Variants in NPTN observed in about 807,000 individuals in gnomAD.
The protein encoded by NPTN is SDR-1.
NPTN carries 5 observed loss-of-function variants against 42.7 expected under a neutral mutation model. The ratio of observed to expected loss-of-function variants is 0.12; its 90% CI spans 0.06 to 0.25. The LOEUF (loss-of-function observed/expected upper bound fraction) is 0.25. Ranked by LOEUF, NPTN falls within the 10% of genes least tolerant of loss-of-function variation. NPTN has a pLI of 1.00. For missense variants in NPTN, 307 were observed against 525.4 expected, an observed-to-expected ratio of 0.58 and a Z score of 4.06; for synonymous variants, 180 against 201.9, an observed-to-expected ratio of 0.89 and a Z score of 0.92.
rs1281376173 is a variant in NPTN at position 73,560,382 on chromosome 15, A to T, written c.*681T>A. The stretch of plus-strand genomic sequence containing the variant: ...TTAACAGAAGAAAAGATAATCACTT[A>T]AAAAGCAATCATACGTATATACTGC... On this transcript the variant is annotated 3_prime_UTR_variant, in exon 9 of 9. Transcript: ENST00000345330. 1 of 155,808 alleles carries T rather than the reference A, an allele frequency of 6.4e-6. No homozygotes were observed. Among genetic ancestry groups the T allele is most frequent in the Non-Finnish European group, 1.4e-5 (1 of 70,510 alleles). The allele number at this position is 155,808 out of a possible 1,614,324, so 9.7% of individuals were successfully genotyped here.
intron 4 of NPTN, among the ~76,000 whole-genome samples, chr15:73,576,076 T>G (rs761869647): frequency 3.9e-5 from 6 of 152,108 alleles, no homozygotes; most frequent in African/African-American, 1.4e-4. Context: ...AGAGCTTACT[T>G]CAGTCCATAA....
intron 8 of NPTN, among the ~76,000 whole-genome samples, chr15:73,561,286 G>A (rs1894646932): frequency 6.6e-6 from 1 of 152,130 alleles, no homozygotes; most frequent in South Asian, 2.1e-4. Flanking sequence ...CACCTAAGAA[G>A]GTGACAATTT....
Position 73,597,320 on chromosome 15 carries a change from G to A in NPTN, c.141C>T (p.Ala47=). 6.2e-7 allele frequency: 1 copy of A among 1,613,862 alleles called. No individual in the cohort carries two copies. The highest frequency in any genetic ancestry group is 8.5e-7 in the Non-Finnish European group (1 of 1,179,976). Residue 47 remains alanine (A), a synonymous_variant, in exon 2 of 9, where the codon GCC becomes GCT. Coordinates refer to ENST00000345330, the MANE Select transcript of NPTN (RefSeq NM_012428.4). The surrounding 1 kb of genome is among the most constrained non-coding windows in gnomAD (Gnocchi z 6.3). ...CGACCACGTCACAGTACAGCTCAAA[G>A]GCGTCCCCCGTGAGCTTAGTTTCTG... ...PMSETKLTGD[A]FELYCDVVGS... is the part of the protein sequence containing the mutation.
intron 1 of NPTN, among the ~76,000 whole-genome samples, chr15:73,608,864 ATAACTG>A (rs1897416495): frequency 6.6e-6 from 1 of 152,262 alleles, no homozygotes; most frequent in African/African-American, 2.4e-5. Context: ...CAGTGATACT[ATAACTG>A]TAATAAGGGA....
intron 2 of NPTN, among the ~76,000 whole-genome samples, chr15:73,593,092 T>A (rs1225929227): frequency 1.3e-5 from 2 of 152,150 alleles, no homozygotes; most frequent in Non-Finnish European, 2.9e-5. Flanking sequence ...ACCTTCTGAT[T>A]CTATTCTGCG....
intron 6 of NPTN, chr15:73,567,188 C>T (rs1895075526): frequency 2.0e-6 from 2 of 984,412 alleles, no homozygotes; most frequent in Admixed American, 6.2e-5. Context: ...GATGAGTTAC[C>T]AAGAACTCAC....
chr15:73,603,711 A>G (rs564546587), intron 1 of NPTN, among the ~76,000 whole-genome samples: 2 of 152,008 alleles, frequency 1.3e-5, no homozygotes, highest in Non-Finnish European at 2.9e-5. Flanking sequence ...TATCAATTAT[A>G]AATCAGGCTG....
chr15:73,582,404 T>A (rs1369405748), intron 4 of NPTN, among the ~76,000 whole-genome samples: 1 of 152,060 alleles, frequency 6.6e-6, no homozygotes, highest in East Asian at 1.9e-4. Context: ...GAATATGAGA[T>A]CAGTCAAGAC....
chr15:73,570,525 T>C lies in NPTN; in HGVS notation c.841-102A>G, dbSNP rs2141359799. On this transcript the variant is annotated intron_variant, in intron 5 of 8. Transcript: ENST00000345330. This position sits in a 1 kb window ranked among gnomAD's most constrained non-coding sequence, Gnocchi z 4.0. Reference sequence around the variant, plus strand: ...CGTTCTTTTTAGGCACCAGCCAGAATGAGGAAGCAGTGTCTAGGAACATTT... The same window carrying C: ...CGTTCTTTTTAGGCACCAGCCAGAACGAGGAAGCAGTGTCTAGGAACATTT... 1 of 1,033,754 alleles carries C rather than the reference T, an allele frequency of 9.7e-7. No homozygotes were observed. Among genetic ancestry groups the C allele is most frequent in the Non-Finnish European group, 1.4e-6 (1 of 692,150 alleles). 64.0% of individuals were successfully genotyped at this position (1,033,754 alleles called of 1,614,324 possible). A position where few individuals can be genotyped will look rare whatever the true frequency, so the allele number is the denominator to read the frequency against.
At chr15:73,586,630 G>A (rs911444230) in intron 4 of NPTN, among the ~76,000 whole-genome samples, 8 of 151,966 alleles carry the variant, frequency 5.3e-5, no homozygotes, top group African/African-American at 1.5e-4. Context: ...CCTATTATAC[G>A]GGCCCTTCCT....
intron 1 of NPTN, among the ~76,000 whole-genome samples, chr15:73,622,196 T>C (rs1898167070): frequency 6.6e-6 from 1 of 152,020 alleles, no homozygotes; most frequent in Non-Finnish European, 1.5e-5. Flanking sequence ...AGTAATCACA[T>C]CCCTAGTCTG....
chr15:73,574,780 G>A (rs1895596329), intron 4 of NPTN, among the ~76,000 whole-genome samples: 1 of 152,148 alleles, frequency 6.6e-6, no homozygotes, highest in Admixed American at 6.5e-5. Context: ...TTCCTAGACT[G>A]AACCCAATAT....
Position 73,570,452 on chromosome 15 carries a change from G to T in NPTN, c.841-29C>A. ...CAAAAAAGTGAGAATACACAAAGGT[G>T]AGAGTGAGTAACTGAGCTAATGTTC... On this transcript the variant is annotated intron_variant, in intron 5 of 8. Transcript: ENST00000345330. The surrounding 1 kb of genome is among the most constrained non-coding windows in gnomAD (Gnocchi z 4.0). 1 of 1,596,884 alleles carries T rather than the reference G, an allele frequency of 6.3e-7. No individual in the cohort carries two copies. Among genetic ancestry groups the T allele is most frequent in the Non-Finnish European group, 8.6e-7 (1 of 1,169,436 alleles).
At chr15:73,582,012 T>C (rs1193805644) in intron 4 of NPTN, among the ~76,000 whole-genome samples, 2 of 152,158 alleles carry the variant, frequency 1.3e-5, no homozygotes, top group Non-Finnish European at 2.9e-5. Flanking sequence ...TTTTTGTATT[T>C]TTTAGTAGAG....
intron 4 of NPTN, among the ~76,000 whole-genome samples, chr15:73,580,133 G>C (rs1895911459): frequency 6.6e-6 from 1 of 151,830 alleles, no homozygotes; most frequent in South Asian, 2.1e-4. Flanking sequence ...TCCAAGTTCA[G>C]GGTTGTGTGA....
intron 1 of NPTN, among the ~76,000 whole-genome samples, chr15:73,614,711 T>C (rs1053511057): frequency 6.6e-6 from 1 of 152,194 alleles, no homozygotes; most frequent in African/African-American, 2.4e-5. Context: ...AAAAATCCTT[T>C]CATTAAATTG....
At chr15:73,581,183 G>C (rs1439708207) in intron 4 of NPTN, among the ~76,000 whole-genome samples, 3 of 152,138 alleles carry the variant, frequency 2.0e-5, no homozygotes, top group African/African-American at 7.2e-5. Flanking sequence ...GTTTAATCAT[G>C]TCAGATACTG....
At chr15:73,581,568 T>C (rs1896046590) in intron 4 of NPTN, among the ~76,000 whole-genome samples, 1 of 152,172 alleles carries the variant, frequency 6.6e-6, no homozygotes, top group African/African-American at 2.4e-5. Flanking sequence ...AGAGTCTCTG[T>C]TACCCAACAG....
chr15:73,584,733 T>TAAA (rs1452667006), intron 4 of NPTN, among the ~76,000 whole-genome samples: 3 of 150,050 alleles, frequency 2.0e-5, no homozygotes, highest in African/African-American at 7.4e-5. Context: ...AACAGTATCT[T>TAAA]CCTGTTTATA....
Sources: gnomAD v4.1 joint callset for allele counts (sites outside exome capture counted in the v4.1 genomes callset) on GRCh38, gnomAD v4.1.1 for gene constraint, Gnocchi (gnomAD v3.1) non-coding constraint, MANE v1.5 for transcripts, NCBI Gene and HGNC (gene_info 2026-07-23, HGNC 2026-07-21) for gene names.